Variants in CHCHD3 observed in about 807,000 individuals in gnomAD.
The protein encoded by CHCHD3 is coiled-coil-helix-coiled-coil-helix domain containing 3.
Under a neutral mutation model 38.2 loss-of-function variants are expected in CHCHD3, and 20 were observed. The ratio of observed to expected loss-of-function variants is 0.52; its 90% CI spans 0.37 to 0.76. The LOEUF (loss-of-function observed/expected upper bound fraction) is 0.76, where lower values mean the gene tolerates loss of function less well. Ranked by LOEUF, CHCHD3 falls within the 30% of genes least tolerant of loss-of-function variation. The pLI is 0.00. For missense variants in CHCHD3, 245 were observed against 279.2 expected (o/e 0.88, Z 0.87); for synonymous variants, 82 against 100.0 (o/e 0.82, Z 1.07).
chr7:132,961,706 T>C (rs903295218), intron 4 of CHCHD3, among the ~76,000 whole-genome samples: 41 of 152,238 alleles, frequency 2.7e-4, no homozygotes, highest in African/African-American at 9.9e-4. Context: ...ATAGTTACAA[T>C]GCTGTACCTT....
chr7:132,920,484 A>T (rs754833136), intron 4 of CHCHD3, among the ~76,000 whole-genome samples: 7 of 152,218 alleles, frequency 4.6e-5, no homozygotes, highest in Non-Finnish European at 8.8e-5. Flanking sequence ...CCCAAAAATC[A>T]GAGAAACAGA....
At chr7:132,930,157 C>T (rs1585648065) in intron 4 of CHCHD3, among the ~76,000 whole-genome samples, 1 of 150,598 alleles carries the variant, frequency 6.6e-6, no homozygotes, top group African/African-American at 2.4e-5. Context: ...TAACCTCCCA[C>T]TCCTAATTTT....
At chr7:132,841,480 TGA>T (rs1329246008) in intron 5 of CHCHD3, among the ~76,000 whole-genome samples, 2 of 148,680 alleles carry the variant, frequency 1.3e-5, no homozygotes, top group Admixed American at 6.7e-5. Context: ...TGTTTTCCAA[TGA>T]GAGAACGGAT....
chr7:132,974,070 C>T (rs1305088376), intron 4 of CHCHD3: 1 of 1,237,524 alleles, frequency 8.1e-7, no homozygotes, highest in Non-Finnish European at 1.0e-6. Flanking sequence ...ATGTTGAATA[C>T]AAAAGGCAGA....
intron 4 of CHCHD3, among the ~76,000 whole-genome samples, chr7:132,908,195 G>A (rs2117214887): frequency 6.6e-6 from 1 of 152,290 alleles, no homozygotes; most frequent in East Asian, 1.9e-4. Flanking sequence ...GTCTTGGTCT[G>A]CGGTTCAGAA....
chr7:132,921,828 G>C (rs1326616543), intron 4 of CHCHD3, among the ~76,000 whole-genome samples: 1 of 152,220 alleles, frequency 6.6e-6, no homozygotes, highest in Non-Finnish European at 1.5e-5. Flanking sequence ...TTGGTGAGAA[G>C]TCTAATTTCC....
At chr7:132,803,168 T>C (rs945774716) in intron 6 of CHCHD3, among the ~76,000 whole-genome samples, 4 of 152,194 alleles carry the variant, frequency 2.6e-5, no homozygotes, top group Non-Finnish European at 5.9e-5. Flanking sequence ...CCCTTGGTTA[T>C]AATAATTGCA....
At chr7:133,022,510 GA>G (rs1562940328) in intron 3 of CHCHD3, 1 of 456,400 alleles carries the variant, frequency 2.2e-6, no homozygotes, top group Non-Finnish European at 4.4e-6. Context: ...TAGAAAAAAA[GA>G]AAGAAAAATA....
intron 4 of CHCHD3, among the ~76,000 whole-genome samples, chr7:132,971,207 T>G (rs368018094): frequency 1.3e-5 from 2 of 152,202 alleles, no homozygotes; most frequent in African/African-American, 4.8e-5. Flanking sequence ...TAGTCAGTCT[T>G]CATCTTCTAC....
intron 5 of CHCHD3, among the ~76,000 whole-genome samples, chr7:132,871,103 T>C (rs1045357644): frequency 6.6e-6 from 1 of 152,204 alleles, no homozygotes; most frequent in Admixed American, 6.5e-5. Flanking sequence ...TGGCTATTTC[T>C]AGAGGAATAT....
intron 4 of CHCHD3, among the ~76,000 whole-genome samples, chr7:132,957,445 G>A (rs150040962): frequency 7.6e-4 from 115 of 152,152 alleles, no homozygotes; most frequent in African/African-American, 2.5e-3. Context: ...TGGGCATCCC[G>A]GGGCACACAC....
intron 6 of CHCHD3, among the ~76,000 whole-genome samples, chr7:132,807,902 T>C (rs959916665): frequency 6.6e-6 from 1 of 151,778 alleles, no homozygotes; most frequent in African/African-American, 2.4e-5. Flanking sequence ...CTCCGAGAAA[T>C]TGCTGTAATG....
intron 4 of CHCHD3, chr7:132,886,918 C>G: frequency 3.6e-6 from 4 of 1,119,246 alleles, no homozygotes; most frequent in Non-Finnish European, 4.6e-6. Context: ...ACTCAACTAT[C>G]TGCTTAGTTT....
intron 6 of CHCHD3, among the ~76,000 whole-genome samples, chr7:132,809,147 G>C (rs1311248206): frequency 1.4e-5 from 2 of 147,172 alleles, no homozygotes; most frequent in African/African-American, 2.5e-5. Context: ...TTTTTGCTGA[G>C]ATGGGGTTTC....
chr7:133,048,029 C>T (rs1000545003), intron 2 of CHCHD3, among the ~76,000 whole-genome samples: 1 of 151,880 alleles, frequency 6.6e-6, no homozygotes, highest in African/African-American at 2.4e-5. Flanking sequence ...GTGGAGGGTG[C>T]GTGAGCTGAG....
chr7:132,901,493 G>C (rs538834622), intron 4 of CHCHD3, among the ~76,000 whole-genome samples: 1 of 152,302 alleles, frequency 6.6e-6, no homozygotes, highest in South Asian at 2.1e-4. Context: ...AGGGAGGCAG[G>C]GGGTCCTCTT....
At chr7:133,052,821 C>T (rs116930608) in intron 2 of CHCHD3, among the ~76,000 whole-genome samples, 2,225 of 152,330 alleles carry the variant, frequency 0.015, 25 homozygotes, top group Non-Finnish European at 0.023. Flanking sequence ...CTATGGAAAA[C>T]CATGCCAACT....
intron 6 of CHCHD3, among the ~76,000 whole-genome samples, chr7:132,810,417 A>T (rs1336785436): frequency 1.3e-5 from 2 of 152,214 alleles, no homozygotes; most frequent in Non-Finnish European, 2.9e-5. Context: ...CTGATGCCAT[A>T]AGAAGGCATT....
At chr7:132,960,043 C>T (rs770814861) in intron 4 of CHCHD3, among the ~76,000 whole-genome samples, 3 of 152,174 alleles carry the variant, frequency 2.0e-5, no homozygotes, top group Non-Finnish European at 4.4e-5. Flanking sequence ...CCCTCTCACT[C>T]GCAGCAGCAA....
Sources: gnomAD v4.1 joint callset for allele counts (sites outside exome capture counted in the v4.1 genomes callset) on GRCh38, gnomAD v4.1.1 for gene constraint, MANE v1.5 for transcripts, NCBI Gene and HGNC (gene_info 2026-07-23, HGNC 2026-07-21) for gene names.